CUL2: variants seen among roughly 807,000 people sequenced by gnomAD.
CUL2 encodes cullin-2.
A neutral mutation model predicts 110.2 loss-of-function variants in CUL2; 22 were observed. The observed-to-expected ratio is 0.20, with a 90% confidence interval of 0.14 to 0.28. CUL2 has a LOEUF of 0.28. Among genes scored for constraint, CUL2 ranks in the 10% least tolerant of loss-of-function variants. CUL2 has a pLI of 1.00. For missense variants in CUL2, 631 were observed against 905.5 expected (o/e 0.70, Z 3.89); for synonymous variants, 279 against 293.2 (o/e 0.95, Z 0.49).
chr10:35,101,642 C>T (rs2087378684), intron 1 of CUL2, among the ~76,000 whole-genome samples: 1 of 152,158 alleles, frequency 6.6e-6, no homozygotes, highest in South Asian at 2.1e-4. Flanking sequence ...GCTCAGTGAC[C>T]ACACACACAA....
chr10:35,088,380 C>T (rs1039136877), intron 1 of CUL2, among the ~76,000 whole-genome samples: 4 of 151,278 alleles, frequency 2.6e-5, no homozygotes, highest in African/African-American at 7.3e-5. Flanking sequence ...TGGTGACGTG[C>T]GCCTGTAGTG....
intron 17 of CUL2, among the ~76,000 whole-genome samples, chr10:35,018,031 C>T (rs2085081954): frequency 6.6e-6 from 1 of 151,122 alleles, no homozygotes; most frequent in African/African-American, 2.4e-5. Context: ...TGGCTCACGC[C>T]TGTAATCCCA....
In CUL2 at chr10:35,053,709, G is replaced by A. The variant is rs370061545; in HGVS notation, c.423+725C>T. ...AGAAAGACACTGATCAATTTCTTTC[G>A]GAAAGGATTACACTACCTTAAATGT... On this transcript the variant is annotated intron_variant, in intron 5 of 20. Transcript: ENST00000374749. 2.0e-4 allele frequency among the ~76,000 whole-genome samples: 30 copies of A among 152,212 alleles called. No homozygotes were observed. In the South Asian group the frequency reaches 5.4e-3, roughly 27 times the overall value.
At chr10:35,023,027 A>G (rs1438062853) in intron 17 of CUL2, among the ~76,000 whole-genome samples, 1 of 152,208 alleles carries the variant, frequency 6.6e-6, no homozygotes, top group Non-Finnish European at 1.5e-5. Context: ...TGGGTGACAG[A>G]GCAAGACCCC....
chr10:35,030,373 T>C (rs1368525185), intron 14 of CUL2, among the ~76,000 whole-genome samples: 1 of 152,076 alleles, frequency 6.6e-6, no homozygotes, highest in Non-Finnish European at 1.5e-5. Context: ...TCATTAACAC[T>C]ACTTTTTTTT....
intron 19 of CUL2, among the ~76,000 whole-genome samples, chr10:35,013,216 G>T (rs1288507109): frequency 1.3e-5 from 2 of 151,742 alleles, no homozygotes; most frequent in East Asian, 3.9e-4. Context: ...ATAGTGGTGG[G>T]CGCCTGTAGT....
intron 1 of CUL2, among the ~76,000 whole-genome samples, chr10:35,102,656 G>A (rs995028101): frequency 2.2e-4 from 34 of 151,956 alleles, no homozygotes; most frequent in African/African-American, 6.5e-4. Flanking sequence ...AGACCGAGGC[G>A]GGTGGATCAT....
At chr10:35,081,771 T>C (rs570238197) in intron 1 of CUL2, among the ~76,000 whole-genome samples, 4 of 152,188 alleles carry the variant, frequency 2.6e-5, no homozygotes, top group African/African-American at 9.6e-5. Flanking sequence ...CATGCACCTG[T>C]AGTCCCAGCT....
chr10:35,038,251 C>T (rs187027171), intron 9 of CUL2, among the ~76,000 whole-genome samples: 10 of 151,414 alleles, frequency 6.6e-5, no homozygotes, highest in African/African-American at 1.7e-4. Context: ...AGAGGCCGGG[C>T]GCAGTGGCTC....
At chr10:35,022,733 C>T (rs1229341604) in intron 17 of CUL2, among the ~76,000 whole-genome samples, 1 of 152,130 alleles carries the variant, frequency 6.6e-6, no homozygotes, top group Admixed American at 6.5e-5. Context: ...TGTTAATCTA[C>T]TGTGGAGTAA....
At chr10:35,017,692 CAA>C (rs11307339) in intron 17 of CUL2, among the ~76,000 whole-genome samples, 52 of 126,560 alleles carry the variant, frequency 4.1e-4, no homozygotes, top group East Asian at 4.7e-4. Context: ...GTATCTGTCT[CAA>C]AAAAAAAAAA....
chr10:35,029,686 T>G, intron 14 of CUL2, 46 bp from the exon 15 acceptor site: 1 of 1,383,780 alleles, frequency 7.2e-7, no homozygotes, highest in Non-Finnish European at 9.9e-7. Flanking sequence ...AGAAAAATAA[T>G]AAGTCATATT....
chr10:35,031,440 A>G lies in CUL2; in HGVS notation c.1299+51T>C. 1 of 1,599,858 alleles carries G rather than the reference A, an allele frequency of 6.3e-7. No homozygotes were observed. The highest frequency in any genetic ancestry group is 8.5e-7 in the Non-Finnish European group (1 of 1,171,810). ...CTTCCTTTCTAATGATTTAGCATTC[A>G]GAAATAAAGTTGACCAAAATACAAA... On this transcript the variant is annotated intron_variant, in intron 13 of 20. Transcript: ENST00000374749. This position sits in a 1 kb window ranked among gnomAD's most constrained non-coding sequence, Gnocchi z 4.4.
chr10:35,064,102 G>A (rs1404651888), intron 2 of CUL2: 2 of 152,044 alleles, frequency 1.3e-5, no homozygotes, highest in African/African-American at 2.4e-5. Flanking sequence ...TGTCTCCAAG[G>A]TAAAGATAAT....
At chr10:35,021,342 C>T (rs770774774) in intron 17 of CUL2, among the ~76,000 whole-genome samples, 11 of 150,884 alleles carry the variant, frequency 7.3e-5, no homozygotes, top group African/African-American at 1.9e-4. Flanking sequence ...CTGCAATCTC[C>T]GCCACCCGGG....
rs190680191 is a variant in CUL2, at chr10:35,117,696, G to A, written c.-51+8909C>T. On this transcript the variant is annotated intron_variant, in intron 1 of 5. Coordinates refer to the CUL2 transcript ENST00000685421. The stretch of plus-strand genomic sequence containing the variant: ...AAAGTCCTTCTGCTACATGTGAGTG[G>A]TGTATTACTGAAGGTTCCTATTATG... Among the ~76,000 whole-genome samples the A allele has an allele frequency of 4.8e-3, 724 of 152,288 alleles. 6 individuals carry two copies. The highest frequency in any genetic ancestry group is 4.5e-3 in the Non-Finnish European group (309 of 68,016).
intron 19 of CUL2, 44 bp from the exon 20 acceptor site, chr10:35,012,008 G>C: frequency 1.8e-6 from 2 of 1,087,250 alleles, no homozygotes; most frequent in East Asian, 2.6e-5. Flanking sequence ...AAGACATTAA[G>C]TCACTGAACT....
At chr10:35,030,715 CT>C (rs2085459133) in intron 14 of CUL2, among the ~76,000 whole-genome samples, 1 of 152,214 alleles carries the variant, frequency 6.6e-6, no homozygotes, top group African/African-American at 2.4e-5. Flanking sequence ...AATTAAGTTT[CT>C]TTTTGGAGGT....
At chr10:35,064,188 G>A (rs2134943136) in intron 2 of CUL2, 1 of 152,226 alleles carries the variant, frequency 6.6e-6, no homozygotes, top group South Asian at 2.1e-4. Context: ...TTTATAAACT[G>A]TCCATCATTA....
Sources: gnomAD v4.1 joint callset for allele counts (sites outside exome capture counted in the v4.1 genomes callset) on GRCh38, gnomAD v4.1.1 for gene constraint, Gnocchi (gnomAD v3.1) non-coding constraint, MANE v1.5 for transcripts, NCBI Gene and HGNC (gene_info 2026-07-23, HGNC 2026-07-21) for gene names.